RNF6: variants seen among roughly 807,000 people sequenced by gnomAD.
RNF6 encodes the protein E3 ubiquitin-protein ligase RNF6.
RNF6 carries 21 observed loss-of-function variants against 50.1 expected under a neutral mutation model. The observed-to-expected ratio is 0.42, with a 90% CI of 0.30 to 0.60. RNF6 has a LOEUF of 0.60. Ranked by LOEUF, RNF6 falls within the 20% of genes least tolerant of loss-of-function variation. The pLI is 0.20. For synonymous variants in RNF6, 255 were observed against 291.8 expected, an observed-to-expected ratio of 0.87 and a Z score of 1.29; for missense variants, 698 against 838.2, an observed-to-expected ratio of 0.83 and a Z score of 2.07.
chr13:26,215,292 G>A lies in RNF6; in HGVS notation c.590C>T (p.Thr197Ile), dbSNP rs1258115673. ...QRSTSPVARR[T>I]RSQTSVNFNG... ...GAAATTCACTGAGGTTTGGCTTCTT[G>A]TTCGCCTAGCCACAGGACTAGTTGA... is the stretch of plus-strand genomic sequence containing the variant. The change falls in exon 5 of 5, where the codon ACA becomes ATA. Residue 197 changes from threonine (T) to isoleucine (I), a missense_variant. By Grantham distance (89) the Thr-to-Ile change is moderately conservative. Coordinates refer to ENST00000381588, the MANE Select transcript of RNF6 (RefSeq NM_005977.4). 1 of 1,614,194 alleles carries A rather than the reference G, an allele frequency of 6.2e-7. No homozygotes were observed. The highest frequency in any genetic ancestry group is 8.5e-7 in the Non-Finnish European group (1 of 1,180,040).
intron 5 of RNF6, among the ~76,000 whole-genome samples, chr13:26,151,131 A>T (rs370973006): frequency 3.9e-4 from 59 of 152,352 alleles, no homozygotes; most frequent in South Asian, 2.1e-4. Context: ...CAGTGCAACT[A>T]CTTAACAACA....
At position 26,154,326 on chromosome 13, in the gene RNF6, T is replaced by G. The variant is rs117046294; in HGVS notation, n.769-21875A>C. ...GTCCTTTTCTAGAGCTATTTTGTCTTTTTTTGAAAGTACTGACTGTTATCT... is the reference window on the plus strand; with the variant it reads ...GTCCTTTTCTAGAGCTATTTTGTCTGTTTTTGAAAGTACTGACTGTTATCT... On this transcript the variant is annotated intron_variant and non_coding_transcript_variant, in intron 5 of 5. Coordinates refer to the RNF6 transcript ENST00000468480. Among the ~76,000 whole-genome samples the G allele has an allele frequency of 3.9e-5, 6 of 152,366 alleles. No homozygotes were observed. In the East Asian group the frequency reaches 9.6e-4, roughly 24 times the overall value.
Position 26,214,752 on chromosome 13 carries a change from G to A in RNF6, c.1130C>T (p.Thr377Ile). Residue 377 changes from threonine (T) to isoleucine (I), a missense_variant, in exon 5 of 5, where the codon ACA becomes ATA. Coordinates refer to ENST00000381588, the MANE Select transcript of RNF6 (RefSeq NM_005977.4). ...FSNSRLVSRI[T>I]VEEGEESSRS... The stretch of plus-strand genomic sequence containing the variant: ...GCTGGATTCTTCTCCTTCTTCTACT[G>A]TTATTCTTGACACAAGCCTTGAATT... 1 of 1,614,184 alleles carries A rather than the reference G, an allele frequency of 6.2e-7. No individual in the cohort carries two copies. Among genetic ancestry groups the A allele is most frequent in the Non-Finnish European group, 8.5e-7 (1 of 1,180,028 alleles).
In RNF6 at chr13:26,213,831, T is replaced by C. The variant is rs374514487; in HGVS notation, c.2051A>G (p.Asn684Ser). ...TGAGTAGATCCCATCACCTTACCCA[T>C]TGTTTGCTATGTTAGACCCTAAAAC... ...QPVLGSNIAN[N>S]G Residue 684 changes from asparagine (N) to serine (S), a missense_variant, in exon 5 of 5, where the codon AAT becomes AGT. By Grantham distance (46) the Asn-to-Ser change is conservative (BLOSUM62 1). Coordinates refer to ENST00000381588, the MANE Select transcript of RNF6 (RefSeq NM_005977.4). 14 of 1,603,064 alleles carry C rather than the reference T, an allele frequency of 8.7e-6. No individual in the cohort carries two copies. The Middle Eastern group carries it at 1.5e-3, about 171-fold the overall frequency.
intron 5 of RNF6, among the ~76,000 whole-genome samples, chr13:26,138,805 T>C (rs1325581544): frequency 6.6e-6 from 1 of 152,220 alleles, no homozygotes; most frequent in African/African-American, 2.4e-5. Flanking sequence ...CTATTTAGCA[T>C]AAAAGAAGGC....
chr13:26,155,452 T>A (rs1166991859), intron 5 of RNF6, among the ~76,000 whole-genome samples: 1 of 151,752 alleles, frequency 6.6e-6, no homozygotes, highest in Non-Finnish European at 1.5e-5. Context: ...ATTATCCCAG[T>A]GAAGTGGGGT....
intron 4 of RNF6, 148 bp from the exon 5 acceptor site, chr13:26,215,740 C>T: frequency 1.5e-6 from 1 of 667,008 alleles, no homozygotes; most frequent in Non-Finnish European, 2.4e-6. Context: ...AGACAACTTT[C>T]TAAAAGAAAA....
chr13:26,168,704 C>A (rs1326281660), intron 5 of RNF6, among the ~76,000 whole-genome samples: 1 of 152,196 alleles, frequency 6.6e-6, no homozygotes, highest in African/African-American at 2.4e-5. Context: ...GAGCATTACA[C>A]AGAAATGCAA....
intron 5 of RNF6, among the ~76,000 whole-genome samples, chr13:26,158,298 C>T (rs1872044152): frequency 6.6e-6 from 1 of 152,118 alleles, no homozygotes; most frequent in East Asian, 1.9e-4. Context: ...TTGGGTCAGA[C>T]GTCTATTCCT....
At chr13:26,191,729 C>G (rs1350813151) in intron 5 of RNF6, among the ~76,000 whole-genome samples, 1 of 152,210 alleles carries the variant, frequency 6.6e-6, no homozygotes, top group Admixed American at 6.5e-5. Flanking sequence ...GTCAAATAAA[C>G]CTCTTTATAA....
At chr13:26,169,818 T>C (rs1872610621) in intron 5 of RNF6, among the ~76,000 whole-genome samples, 2 of 152,158 alleles carry the variant, frequency 1.3e-5, no homozygotes, top group Non-Finnish European at 2.9e-5. Flanking sequence ...AATTAGCAAA[T>C]ACAGATAGGC....
intron 5 of RNF6, among the ~76,000 whole-genome samples, chr13:26,168,142 C>A (rs1872534820): frequency 6.6e-6 from 1 of 152,140 alleles, no homozygotes; most frequent in South Asian, 2.1e-4. Flanking sequence ...ACAATCAATC[C>A]CCATGACAAG....
At chr13:26,187,900 T>G (rs893667057) in intron 5 of RNF6, among the ~76,000 whole-genome samples, 3 of 152,166 alleles carry the variant, frequency 2.0e-5, no homozygotes, top group Non-Finnish European at 1.5e-5. Context: ...CTAGCTCTAT[T>G]TGAGACCACA....
intron 5 of RNF6, among the ~76,000 whole-genome samples, chr13:26,134,426 T>C (rs183696705): frequency 1.3e-5 from 2 of 152,378 alleles, no homozygotes; most frequent in East Asian, 3.9e-4. Context: ...AAGTTGCTCC[T>C]TTCCTGGTCT....
chr13:26,159,520 G>C (rs1478848276), intron 5 of RNF6, among the ~76,000 whole-genome samples: 1 of 152,052 alleles, frequency 6.6e-6, no homozygotes, highest in Non-Finnish European at 1.5e-5. Flanking sequence ...AGCTACTCGG[G>C]AGGCTGAGGC....
chr13:26,147,623 C>T lies in RNF6; in HGVS notation n.769-15172G>A, dbSNP rs151262177. Among the ~76,000 whole-genome samples the T allele has an allele frequency of 2.6e-5, 4 of 152,344 alleles. No individual in the cohort carries two copies. The East Asian group carries it at 5.8e-4, about 22-fold the overall frequency. On this transcript the variant is annotated intron_variant and non_coding_transcript_variant, in intron 5 of 5. Coordinates refer to the RNF6 transcript ENST00000468480. ...TCATCAGGGTCTTCCCACACATCCT[C>T]ATCCCAACTTTTAGGATCTCATTCT...
intron 2 of RNF6, 42 bp downstream of exon 2, chr13:26,221,206 A>G (rs1315109652): frequency 1.3e-5 from 2 of 152,184 alleles, no homozygotes; most frequent in Non-Finnish European, 2.9e-5. Context: ...CTTAAAGGTA[A>G]TTTTCTTATA....
At chr13:26,172,914 A>AC (rs1483148654) in intron 5 of RNF6, among the ~76,000 whole-genome samples, 2 of 152,208 alleles carry the variant, frequency 1.3e-5, no homozygotes, top group African/African-American at 4.8e-5. Flanking sequence ...CAGACTATGT[A>AC]AAAAACTCCT....
At chr13:26,163,180 C>T (rs540210797) in intron 5 of RNF6, among the ~76,000 whole-genome samples, 11 of 152,202 alleles carry the variant, frequency 7.2e-5, no homozygotes, top group South Asian at 2.1e-4. Context: ...GGCGCGGTGG[C>T]GGGTGCCTGT....
Sources: gnomAD v4.1 joint callset for allele counts (sites outside exome capture counted in the v4.1 genomes callset) on GRCh38, gnomAD v4.1.1 for gene constraint, MANE v1.5 for transcripts, NCBI Gene and HGNC (gene_info 2026-07-23, HGNC 2026-07-21) for gene names.